CSNK1G2: variants seen among roughly 807,000 people sequenced by gnomAD.
The protein encoded by CSNK1G2 is casein kinase I isoform gamma-2.
A neutral mutation model predicts 48.0 loss-of-function variants in CSNK1G2; 11 were observed. The observed-to-expected ratio is 0.23, with a 90% CI of 0.14 to 0.38. The LOEUF (loss-of-function observed/expected upper bound fraction) is 0.38, where lower values mean the gene tolerates loss of function less well. Among genes scored for constraint, CSNK1G2 ranks in the 10% least tolerant of loss-of-function variants. The pLI, the probability that CSNK1G2 is intolerant of heterozygous loss-of-function variation, is 1.00. For missense variants in CSNK1G2, 446 were observed against 595.5 expected (o/e 0.75, Z 2.61); for synonymous variants, 337 against 254.1 (o/e 1.33, Z -3.10).
Position 1,967,996 on chromosome 19 carries a change from C to T in CSNK1G2, c.-265-1512C>T, listed in dbSNP as rs376169997. Among the ~76,000 whole-genome samples, 20 of 34,130 alleles carry T rather than the reference C, an allele frequency of 5.9e-4. No homozygotes were observed. The East Asian group carries it at 7.8e-3, about 13-fold the overall frequency. 22.4% of individuals were successfully genotyped at this position (34,130 alleles called of 152,430 possible). ...TCCTCCCTCCTCCCCAGGCTGCCCC[C>T]GACCACCCTTCAGTTCTGCAGGTGG... On this transcript the variant is annotated intron_variant, in intron 1 of 11. Transcript: ENST00000255641.
intron 1 of CSNK1G2, among the ~76,000 whole-genome samples, chr19:1,948,099 GC>G (rs1325246795): frequency 6.6e-6 from 1 of 152,252 alleles, no homozygotes; most frequent in African/African-American, 2.4e-5. Context: ...TCGGGGGGCG[GC>G]CCCGCCCTGG....
At chr19:1,963,455 C>T (rs1429831820) in intron 1 of CSNK1G2, among the ~76,000 whole-genome samples, 4 of 151,854 alleles carry the variant, frequency 2.6e-5, no homozygotes, top group Non-Finnish European at 5.9e-5. Context: ...CTCGTGATCC[C>T]CCTGCCTCGG....
intron 1 of CSNK1G2, chr19:1,953,492 C>T (rs768444858): frequency 1.5e-5 from 8 of 533,816 alleles, no homozygotes. Context: ...GCAGCCTTGC[C>T]TCCGTTTGCA....
At chr19:1,954,019 G>T (rs765240841) in intron 1 of CSNK1G2, 8 of 532,510 alleles carry the variant, frequency 1.5e-5, no homozygotes, top group Non-Finnish European at 2.7e-5. Context: ...AGTGCTCCGA[G>T]GACCGGCCCT....
chr19:1,980,188 G>A lies in CSNK1G2; in HGVS notation c.1233G>A (p.Leu411=), dbSNP rs758657912. 11 of 1,612,940 alleles carry A rather than the reference G, an allele frequency of 6.8e-6. No homozygotes were observed. Among genetic ancestry groups the A allele is most frequent in the Non-Finnish European group, 9.3e-6 (11 of 1,179,870 alleles). Reference sequence around the variant, plus strand: ...TCAAGAGGAGAAAGAGAAAATCGCTGCAGCGACACAAGTGACCCTGGGCGC... The same window carrying A: ...TCAAGAGGAGAAAGAGAAAATCGCTACAGCGACACAAGTGACCCTGGGCGC... ...CFFKRRKRKS[L]QRHK Residue 411 remains leucine, a synonymous_variant, in exon 12 of 12, where the codon CTG becomes CTA. Transcript: ENST00000255641.
chr19:1,974,625 G>C (rs2015690219), intron 2 of CSNK1G2: 2 of 152,258 alleles, frequency 1.3e-5, no homozygotes, highest in Admixed American at 6.5e-5. Flanking sequence ...GTGAGGTGTG[G>C]AGGGTGCCGT....
intron 1 of CSNK1G2, among the ~76,000 whole-genome samples, chr19:1,949,794 T>C (rs1350485434): frequency 6.6e-6 from 1 of 152,244 alleles, no homozygotes. Flanking sequence ...TGGTTTCTCC[T>C]GTCCTTCGGC....
At chr19:1,948,652 C>G (rs2014657341) in intron 1 of CSNK1G2, among the ~76,000 whole-genome samples, 1 of 151,590 alleles carries the variant, frequency 6.6e-6, no homozygotes, top group Non-Finnish European at 1.5e-5. Flanking sequence ...GGAACATAAT[C>G]CACGTTTGGT....
Position 1,980,485 on chromosome 19 carries a change from A to C in CSNK1G2, c.*282A>C. The C allele has an allele frequency of 2.1e-6, 1 of 485,194 alleles. No individual in the cohort carries two copies. 30.1% of individuals were successfully genotyped at this position (485,194 alleles called of 1,614,324 possible). On this transcript the variant is annotated 3_prime_UTR_variant, in exon 12 of 12. Coordinates refer to ENST00000255641, the MANE Select transcript of CSNK1G2 (RefSeq NM_001319.7). ...ACAAGGAAAAGAGGAAAAAAAAAAC[A>C]GAGGCCCGCCCTACCCCACTCCTGC... is the stretch of plus-strand genomic sequence containing the variant.
intron 2 of CSNK1G2, 145 bp downstream of exon 2, chr19:1,970,104 C>G (rs965586768): frequency 9.0e-6 from 5 of 554,802 alleles, no homozygotes; most frequent in Non-Finnish European, 1.4e-5. Context: ...GTTGAATCAT[C>G]AGTCCGTCGT....
chr19:1,969,746 G>T lies in CSNK1G2; in HGVS notation c.-27G>T. ...GGATTTGCACGGCAGCAGAGTCACC[G>T]TGGAGAGGCCAGGGTATCACAAACT... is the stretch of plus-strand genomic sequence containing the variant. On this transcript the variant is annotated 5_prime_UTR_variant, in exon 2 of 12. Coordinates refer to ENST00000255641, the MANE Select transcript of CSNK1G2 (RefSeq NM_001319.7). 1 of 1,276,384 alleles carries T rather than the reference G, an allele frequency of 7.8e-7. No homozygotes were observed. Among genetic ancestry groups the T allele is most frequent in the Non-Finnish European group, 1.0e-6 (1 of 1,003,976 alleles). The allele number at this position is 1,276,384 out of a possible 1,614,324, so 79.1% of individuals were successfully genotyped here. A position where few individuals can be genotyped will look rare whatever the true frequency, so the allele number is the denominator to read the frequency against.
intron 1 of CSNK1G2, chr19:1,952,512 C>T (rs559419061): frequency 1.1e-3 from 163 of 152,730 alleles, no homozygotes; most frequent in Non-Finnish European, 1.0e-3. Context: ...TAGAAGAGAC[C>T]GGGGTTACAC....
At chr19:1,967,169 C>A (rs924442067) in intron 1 of CSNK1G2, among the ~76,000 whole-genome samples, 1 of 152,222 alleles carries the variant, frequency 6.6e-6, no homozygotes, top group African/African-American at 2.4e-5. Context: ...GAACCCAAGG[C>A]CTGTGATCCC....
chr19:1,953,864 T>G, intron 1 of CSNK1G2: 1 of 533,520 alleles, frequency 1.9e-6, no homozygotes, highest in Non-Finnish European at 3.9e-6. Flanking sequence ...CCTTTGCTGA[T>G]GGCGACCTGT....
intron 2 of CSNK1G2, chr19:1,975,239 T>C (rs2015713184): frequency 7.1e-6 from 7 of 985,458 alleles, no homozygotes; most frequent in African/African-American, 1.7e-5. Flanking sequence ...AGCATCCGCC[T>C]GCCCGTCAGG....
chr19:1,955,298 CCTG>C (rs142010723), intron 1 of CSNK1G2, among the ~76,000 whole-genome samples: 19,254 of 151,602 alleles, frequency 0.13, 1,650 homozygotes, highest in African/African-American at 0.24. Context: ...TGACTGCCCT[CCTG>C]CTGCTGCTGC....
intron 1 of CSNK1G2, among the ~76,000 whole-genome samples, chr19:1,947,547 G>A (rs1056006264): frequency 5.9e-5 from 9 of 152,214 alleles, no homozygotes; most frequent in Non-Finnish European, 1.3e-4. Flanking sequence ...GGAGCCTGAG[G>A]GCAGCGCACG....
chr19:1,980,046 A>C (rs2015926996), intron 11 of CSNK1G2, 29 bp downstream of exon 11: 1 of 1,582,784 alleles, frequency 6.3e-7, no homozygotes. Context: ...GCCTTCGGGG[A>C]GGTGGGGGTG....
At chr19:1,975,061 C>G (rs779042380) in intron 2 of CSNK1G2, 2 of 985,442 alleles carry the variant, frequency 2.0e-6, no homozygotes, top group Non-Finnish European at 2.4e-6. Flanking sequence ...GTCTCTGACA[C>G]GCCAGCCGCA....
Sources: allele counts gnomAD v4.1 joint callset (sites outside exome capture counted in the v4.1 genomes callset), GRCh38; gene constraint gnomAD v4.1.1; transcripts MANE v1.5; gene names NCBI Gene and HGNC (gene_info 2026-07-23, HGNC 2026-07-21).